Variants in RIT2 observed in about 807,000 individuals in gnomAD.
The protein encoded by RIT2 is Ras like without CAAX 2.
RIT2 carries 24 observed loss-of-function variants against 23.7 expected under a neutral mutation model. The ratio of observed to expected loss-of-function variants is 1.01; its 90% CI spans 0.73 to 1.43. The LOEUF is 1.43. Ranked by LOEUF, RIT2 falls within the 40% of genes most tolerant of loss-of-function variation. The pLI, the probability that RIT2 is intolerant of heterozygous loss-of-function variation, is 0.00. For synonymous variants in RIT2, 107 were observed against 91.1 expected (o/e 1.17, Z -0.99); for missense variants, 236 against 266.9 (o/e 0.88, Z 0.81).
intron 4 of RIT2, among the ~76,000 whole-genome samples, chr18:42,777,777 G>C (rs1166665898): frequency 1.3e-5 from 2 of 152,160 alleles, no homozygotes; most frequent in African/African-American, 4.8e-5. Context: ...GAAGAGGCTA[G>C]TTGTTTTCTC....
intron 4 of RIT2, among the ~76,000 whole-genome samples, chr18:42,876,743 T>C (rs1907754102): frequency 6.6e-6 from 1 of 151,826 alleles, no homozygotes; most frequent in African/African-American, 2.4e-5. Context: ...TAATAAGTCA[T>C]AGCTAAGAAA....
At chr18:43,086,923 AT>A (rs1913296191) in intron 1 of RIT2, among the ~76,000 whole-genome samples, 1 of 152,224 alleles carries the variant, frequency 6.6e-6, no homozygotes, top group African/African-American at 2.4e-5. Flanking sequence ...TTCATCTTTG[AT>A]TCCCAACAGG....
At chr18:43,008,266 C>T (rs1030526985) in intron 2 of RIT2, among the ~76,000 whole-genome samples, 3 of 151,372 alleles carry the variant, frequency 2.0e-5, no homozygotes, top group African/African-American at 4.8e-5. Context: ...TAAATATACT[C>T]ATATAGGTAT....
At chr18:43,098,878 A>G (rs1269415103) in intron 1 of RIT2, among the ~76,000 whole-genome samples, 1 of 151,960 alleles carries the variant, frequency 6.6e-6, no homozygotes, top group Non-Finnish European at 1.5e-5. Context: ...TTAAGCACAT[A>G]CTATACGAAA....
intron 4 of RIT2, among the ~76,000 whole-genome samples, chr18:42,827,263 A>G (rs1906322573): frequency 6.6e-6 from 1 of 152,228 alleles, no homozygotes; most frequent in South Asian, 2.1e-4. Flanking sequence ...GTTAATAAAC[A>G]TTGTTGAAGC....
intron 4 of RIT2, among the ~76,000 whole-genome samples, chr18:42,904,943 A>G (rs1908571271): frequency 6.6e-6 from 1 of 152,336 alleles, no homozygotes. Flanking sequence ...TGTAAATTCA[A>G]TAACTAGGAC....
At chr18:42,788,827 C>T (rs1320778942) in intron 4 of RIT2, among the ~76,000 whole-genome samples, 1 of 152,086 alleles carries the variant, frequency 6.6e-6, no homozygotes, top group Non-Finnish European at 1.5e-5. Context: ...AAAAGCAGTG[C>T]TCTAAACAAA....
intron 4 of RIT2, among the ~76,000 whole-genome samples, chr18:42,839,759 G>A (rs1006819235): frequency 5.3e-5 from 8 of 152,120 alleles, no homozygotes; most frequent in South Asian, 2.1e-4. Flanking sequence ...ATGAACATAC[G>A]AATGGACAGT....
At chr18:42,910,656 G>C (rs781777224) in intron 4 of RIT2, among the ~76,000 whole-genome samples, 6 of 152,100 alleles carry the variant, frequency 3.9e-5, no homozygotes, top group Admixed American at 6.6e-5. Context: ...ATGTTGAGAG[G>C]AGTTCAGCTG....
At chr18:42,845,908 A>G (rs2144030093) in intron 4 of RIT2, among the ~76,000 whole-genome samples, 1 of 152,060 alleles carries the variant, frequency 6.6e-6, no homozygotes, top group Non-Finnish European at 1.5e-5. Flanking sequence ...ACCTAGAGGG[A>G]AATTCAAAAC....
intron 4 of RIT2, among the ~76,000 whole-genome samples, chr18:42,807,338 T>C (rs1905712337): frequency 6.6e-6 from 1 of 152,214 alleles, no homozygotes; most frequent in African/African-American, 2.4e-5. Flanking sequence ...TATAGTAGGC[T>C]GGGTGCAGTG....
At chr18:42,903,423 G>C (rs1908529192) in intron 4 of RIT2, among the ~76,000 whole-genome samples, 1 of 151,992 alleles carries the variant, frequency 6.6e-6, no homozygotes, top group African/African-American at 2.4e-5. Flanking sequence ...CATAGAGACT[G>C]TGTTGTCTGA....
At chr18:42,879,228 C>T (rs1907823824) in intron 4 of RIT2, among the ~76,000 whole-genome samples, 1 of 152,082 alleles carries the variant, frequency 6.6e-6, no homozygotes, top group Admixed American at 6.6e-5. Context: ...TATTTTGAGC[C>T]AAATCACTTC....
chr18:42,853,586 C>A (rs1426333512), intron 4 of RIT2, among the ~76,000 whole-genome samples: 1 of 152,134 alleles, frequency 6.6e-6, no homozygotes, highest in African/African-American at 2.4e-5. Context: ...CTCACATATA[C>A]ATTTATATTT....
intron 4 of RIT2, among the ~76,000 whole-genome samples, chr18:42,813,134 A>G (rs1225988852): frequency 1.3e-5 from 2 of 152,220 alleles, no homozygotes; most frequent in East Asian, 3.9e-4. Flanking sequence ...GCAAAAAATC[A>G]TTGGCAGATA....
rs71175922 is a variant in RIT2 at position 42,777,285 on chromosome 18, CAA to C, written c.427-33567_427-33566del. ...CCATTGGAAACACATGTCTGGACTT[CAA>C]AAAAAAAAAAAAAAGAAAGAGAGAA... On this transcript the variant is annotated intron_variant, in intron 4 of 4. Transcript: ENST00000326695. Among the ~76,000 whole-genome samples the C allele has an allele frequency of 5.4e-3, 689 of 127,854 alleles. 2 individuals are homozygous for C. Among genetic ancestry groups the C allele is most frequent in the Middle Eastern group, 0.047 (12 of 258 alleles). The allele number at this position is 127,854 out of a possible 152,430, so 83.9% of individuals were successfully genotyped here. A position where few individuals can be genotyped will look rare whatever the true frequency, so the allele number is the denominator to read the frequency against.
chr18:42,795,935 C>T (rs531087701), intron 4 of RIT2, among the ~76,000 whole-genome samples: 7 of 152,082 alleles, frequency 4.6e-5, no homozygotes, highest in Admixed American at 1.3e-4. Context: ...ACCTTTGTGT[C>T]TAGCCCAGGG....
intron 1 of RIT2, among the ~76,000 whole-genome samples, chr18:43,077,498 C>T (rs779404280): frequency 1.4e-4 from 22 of 152,036 alleles, no homozygotes; most frequent in Non-Finnish European, 3.1e-4. Flanking sequence ...GAGTTTAAGC[C>T]TGGCCCTTTG....
intron 4 of RIT2, among the ~76,000 whole-genome samples, chr18:42,905,977 AATATATATATATATGT>A (rs1568026739): frequency 7.4e-6 from 1 of 134,616 alleles, no homozygotes; most frequent in Non-Finnish European, 1.6e-5. Context: ...AGCAAATTGA[AATATATATATATATGT>A]ATATATATAT....
Sources: allele counts gnomAD v4.1 joint callset (sites outside exome capture counted in the v4.1 genomes callset), GRCh38; gene constraint gnomAD v4.1.1; transcripts MANE v1.5; gene names NCBI Gene and HGNC (gene_info 2026-07-23, HGNC 2026-07-21).